CDH10: variants seen among roughly 807,000 people sequenced by gnomAD.
The protein encoded by CDH10 is cadherin-10.
In CDH10, 30 loss-of-function variants were observed where a neutral mutation model predicts 73.1. That is an observed-to-expected ratio of 0.41 (90% confidence interval 0.31 to 0.56). The LOEUF is 0.56. Ranked by LOEUF, CDH10 falls within the 20% of genes least tolerant of loss-of-function variation. CDH10 has a pLI of 0.27. For missense variants in CDH10, 815 were observed against 973.7 expected, an observed-to-expected ratio of 0.84 and a Z score of 2.17; for synonymous variants, 345 against 348.2, an observed-to-expected ratio of 0.99 and a Z score of 0.10.
chr5:24,495,362 G>A (rs1381929512), intron 9 of CDH10, among the ~76,000 whole-genome samples: 2 of 152,128 alleles, frequency 1.3e-5, no homozygotes, highest in Non-Finnish European at 2.9e-5. Flanking sequence ...TGTCTTCACT[G>A]GGCTGTTCTA....
intron 5 of CDH10, among the ~76,000 whole-genome samples, chr5:24,519,042 C>T (rs1324139643): frequency 6.6e-6 from 1 of 151,668 alleles, no homozygotes; most frequent in African/African-American, 2.4e-5. Context: ...AGTTGTGCAC[C>T]ACCATGCCTG....
intron 1 of CDH10, among the ~76,000 whole-genome samples, chr5:24,610,596 T>C (rs547776837): frequency 1.3e-5 from 2 of 152,326 alleles, no homozygotes; most frequent in South Asian, 2.1e-4. Flanking sequence ...TCTGTGAATA[T>C]AGAGATTATA....
At chr5:24,541,799 A>C (rs1482981740) in intron 2 of CDH10, among the ~76,000 whole-genome samples, 1 of 152,110 alleles carries the variant, frequency 6.6e-6, no homozygotes, top group African/African-American at 2.4e-5. Context: ...AGCCTATTAA[A>C]AATTCACAAC....
chr5:24,525,476 C>T (rs1207368524), intron 5 of CDH10, among the ~76,000 whole-genome samples: 3 of 151,944 alleles, frequency 2.0e-5, no homozygotes, highest in Non-Finnish European at 4.4e-5. Flanking sequence ...TAATTATGCA[C>T]GTTTATAAAC....
At chr5:24,518,710 C>T (rs768741035) in intron 5 of CDH10, among the ~76,000 whole-genome samples, 15 of 151,950 alleles carry the variant, frequency 9.9e-5, no homozygotes, top group Non-Finnish European at 1.9e-4. Context: ...TCCCTGTTCT[C>T]TGCATGTCTC....
chr5:24,525,680 T>C (rs945493587), intron 5 of CDH10, among the ~76,000 whole-genome samples: 4 of 152,046 alleles, frequency 2.6e-5, no homozygotes, highest in Admixed American at 6.6e-5. Flanking sequence ...GGCTTTCGAA[T>C]TGAAGATTCT....
At chr5:24,577,545 G>C (rs1279000338) in intron 2 of CDH10, among the ~76,000 whole-genome samples, 1 of 152,074 alleles carries the variant, frequency 6.6e-6, no homozygotes, top group African/African-American at 2.4e-5. Flanking sequence ...CAACTGATCT[G>C]TTAACGTTTC....
chr5:24,548,357 G>C (rs561925520), intron 2 of CDH10, among the ~76,000 whole-genome samples: 157 of 151,700 alleles, frequency 1.0e-3, no homozygotes, highest in African/African-American at 3.5e-3. Flanking sequence ...CTGACCTTGG[G>C]GGATACACCT....
In CDH10 at chr5:24,537,564, T is replaced by C; in HGVS notation, c.342A>G (p.Thr114=). 2 of 1,612,952 alleles carry C rather than the reference T, an allele frequency of 1.2e-6. No homozygotes were observed. The highest frequency in any genetic ancestry group is 1.7e-6 in the Non-Finnish European group (2 of 1,179,158). ...CCTTTTCCTCCCTATCAATTCGCCT[T>C]GTGGCATGAATATCACCTGTTTTTT... ...IDEKTGDIHA[T]RRIDREEKAF... The change falls in exon 3 of 12, where the codon ACA becomes ACG. Residue 114 remains threonine (T), a synonymous_variant. Coordinates refer to ENST00000264463, the MANE Select transcript of CDH10 (RefSeq NM_006727.5).
chr5:24,503,733 A>G (rs1742582292), intron 8 of CDH10, among the ~76,000 whole-genome samples: 2 of 152,198 alleles, frequency 1.3e-5, no homozygotes, highest in Admixed American at 6.6e-5. Flanking sequence ...CAAGTTACTA[A>G]AGTTCCCAGA....
chr5:24,590,896 C>A (rs1035131750), intron 2 of CDH10, among the ~76,000 whole-genome samples: 3 of 151,944 alleles, frequency 2.0e-5, no homozygotes, highest in African/African-American at 7.2e-5. Context: ...TCTAAACCAA[C>A]CCAGAGGCAT....
intron 5 of CDH10, among the ~76,000 whole-genome samples, chr5:24,518,289 C>T (rs1222830800): frequency 1.3e-5 from 2 of 151,628 alleles, no homozygotes; most frequent in Non-Finnish European, 2.9e-5. Context: ...GCTCATAAAG[C>T]CAAAAAGGAA....
chr5:24,589,513 G>A (rs1373456725), intron 2 of CDH10, among the ~76,000 whole-genome samples: 2 of 151,190 alleles, frequency 1.3e-5, no homozygotes, highest in Non-Finnish European at 2.9e-5. Flanking sequence ...GGTGTTTTGG[G>A]ATTTTTCTCA....
At chr5:24,502,617 A>T in intron 8 of CDH10, among the ~76,000 whole-genome samples, 1 of 152,168 alleles carries the variant, frequency 6.6e-6, no homozygotes, top group East Asian at 1.9e-4. Flanking sequence ...TTTGAGGACA[A>T]AAAAAAGATT....
In CDH10 at chr5:24,511,308, T is replaced by G; in HGVS notation, c.1002+19A>C. The G allele has an allele frequency of 6.5e-7, 1 of 1,528,364 alleles. No homozygotes were observed. Among genetic ancestry groups the G allele is most frequent in the Non-Finnish European group, 9.0e-7 (1 of 1,105,668 alleles). The allele number at this position is 1,528,364 out of a possible 1,614,324, so 94.7% of individuals were successfully genotyped here. The stretch of plus-strand genomic sequence containing the variant: ...ACTCCTGAAACACACAGATGCTTAT[T>G]TATATGGATGCTGTGCACCTTTTTC... On this transcript the variant is annotated intron_variant, in intron 6 of 11. Coordinates refer to ENST00000264463, the MANE Select transcript of CDH10 (RefSeq NM_006727.5).
At chr5:24,500,504 A>C (rs987224618) in intron 8 of CDH10, among the ~76,000 whole-genome samples, 1 of 152,226 alleles carries the variant, frequency 6.6e-6, no homozygotes, top group Non-Finnish European at 1.5e-5. Flanking sequence ...TTCGTGTACC[A>C]CGAGGTTTAG....
Position 24,488,109 on chromosome 5 carries a change from C to CT in CDH10, c.1920dup (p.Glu641ArgfsTer18). 6.2e-7 allele frequency: 1 copy of CT among 1,611,940 alleles called. No homozygotes were observed. The highest frequency in any genetic ancestry group is 8.5e-7 in the Non-Finnish European group (1 of 1,179,112). On this transcript the variant is annotated frameshift_variant, in exon 12 of 12. Coordinates refer to ENST00000264463, the MANE Select transcript of CDH10 (RefSeq NM_006727.5). LOFTEE classifies it high-confidence loss of function. ...TCTTCTTTTGACAAGATCAGAGGCT[C>CT]TTTTTTTCGCTGTCTTTTCAGAGCT...
intron 5 of CDH10, among the ~76,000 whole-genome samples, chr5:24,517,902 G>A (rs1941281604): frequency 6.6e-6 from 1 of 152,138 alleles, no homozygotes; most frequent in Admixed American, 6.6e-5. Context: ...TAAACCTAAC[G>A]AGTTTTCACT....
At chr5:24,606,891 T>C (rs546346743) in intron 1 of CDH10, among the ~76,000 whole-genome samples, 2 of 152,310 alleles carry the variant, frequency 1.3e-5, no homozygotes, top group South Asian at 2.1e-4. Flanking sequence ...CTCTGAGACA[T>C]TGGCGTTTCA....
Sources: allele counts gnomAD v4.1 joint callset (sites outside exome capture counted in the v4.1 genomes callset), GRCh38; gene constraint gnomAD v4.1.1; transcripts MANE v1.5; gene names NCBI Gene and HGNC (gene_info 2026-07-23, HGNC 2026-07-21).